Variants in EFNA5 observed in about 807,000 individuals in gnomAD.
The protein encoded by EFNA5 is ephrin-A5.
EFNA5 carries 5 observed loss-of-function variants against 22.9 expected under a neutral mutation model. That is an observed-to-expected ratio of 0.22 (90% CI 0.11 to 0.46). EFNA5 has a LOEUF of 0.46. EFNA5 is among the 20% of genes least tolerant of loss of function. EFNA5 has a pLI of 0.99. For missense variants in EFNA5, 237 were observed against 293.3 expected (o/e 0.81, Z 1.40); for synonymous variants, 113 against 112.2 (o/e 1.01, Z -0.04).
intron 1 of EFNA5, among the ~76,000 whole-genome samples, chr5:107,621,696 A>C (rs1447822882): frequency 6.6e-6 from 1 of 152,252 alleles, no homozygotes; most frequent in African/African-American, 2.4e-5. Context: ...TATGAGGATT[A>C]AATGAGCATT....
At chr5:107,384,039 C>G (rs551595275) in intron 4 of EFNA5, among the ~76,000 whole-genome samples, 105 of 152,278 alleles carry the variant, frequency 6.9e-4, no homozygotes, top group African/African-American at 2.4e-3. Flanking sequence ...CACAAAGCAT[C>G]CTTTGATTAA....
chr5:107,569,272 C>T (rs1346665143), intron 1 of EFNA5, among the ~76,000 whole-genome samples: 1 of 151,154 alleles, frequency 6.6e-6, no homozygotes, highest in Non-Finnish European at 1.5e-5. Context: ...TCTCCAAACA[C>T]TCATACATTG....
chr5:107,605,877 A>G (rs1749702103), intron 1 of EFNA5, among the ~76,000 whole-genome samples: 1 of 152,176 alleles, frequency 6.6e-6, no homozygotes, highest in African/African-American at 2.4e-5. Context: ...GGGGGAGGGC[A>G]AGTATTTCTA....
intron 1 of EFNA5, among the ~76,000 whole-genome samples, chr5:107,596,285 C>T (rs968815683): frequency 2.4e-4 from 36 of 152,148 alleles, no homozygotes; most frequent in African/African-American, 8.4e-4. Context: ...CAATAACTCC[C>T]CATTTTCCCC....
intron 1 of EFNA5, among the ~76,000 whole-genome samples, chr5:107,616,259 A>G (rs1200616817): frequency 2.0e-5 from 3 of 152,224 alleles, no homozygotes; most frequent in Non-Finnish European, 4.4e-5. Flanking sequence ...TAATGGGTAG[A>G]ATGATTCCAA....
At chr5:107,387,405 T>C (rs80320874) in intron 3 of EFNA5, 90 bp from the exon 4 acceptor site, 5 of 857,212 alleles carry the variant, frequency 5.8e-6, no homozygotes, top group South Asian at 3.6e-5. Flanking sequence ...CTCCTTTTTT[T>C]CTTTTTTTAT....
intron 1 of EFNA5, among the ~76,000 whole-genome samples, chr5:107,641,535 G>A (rs925471353): frequency 6.6e-6 from 1 of 152,208 alleles, no homozygotes; most frequent in East Asian, 1.9e-4. Context: ...ACTACCTACA[G>A]GGGAGAAAAA....
chr5:107,542,258 C>T (rs1374374199), intron 1 of EFNA5, among the ~76,000 whole-genome samples: 1 of 152,104 alleles, frequency 6.6e-6, no homozygotes, highest in East Asian at 1.9e-4. Flanking sequence ...ACAAGAGCCT[C>T]CTGCTTCCCA....
At chr5:107,427,544 T>A (rs1748840087) in intron 1 of EFNA5, 35 bp from the exon 2 acceptor site, 2 of 1,548,742 alleles carry the variant, frequency 1.3e-6, no homozygotes, top group Non-Finnish European at 1.7e-6. Context: ...TGATAATTCA[T>A]AGAGAAAGGG....
At chr5:107,470,519 T>C (rs764090324) in intron 1 of EFNA5, among the ~76,000 whole-genome samples, 1 of 152,206 alleles carries the variant, frequency 6.6e-6, no homozygotes, top group Non-Finnish European at 1.5e-5. Context: ...TGATTAAAAT[T>C]GGAGGACTAA....
In EFNA5 at chr5:107,615,054, T is replaced by C. The variant is rs371046046; in HGVS notation, c.125+55435A>G. 4.1e-4 allele frequency among the ~76,000 whole-genome samples: 63 copies of C among 152,232 alleles called. 2 individuals are homozygous for C. Among genetic ancestry groups the C allele is most frequent in the African/African-American group, 1.5e-3 (62 of 41,556 alleles). ...TAACTGCCAAAAGAAAATTAGGTTA[T>C]CTACTAGATTTTCATGCAAAAAGTA... On this transcript the variant is annotated intron_variant, in intron 1 of 4. Coordinates refer to ENST00000333274, the MANE Select transcript of EFNA5 (RefSeq NM_001962.3).
At chr5:107,533,564 T>A (rs1213321189) in intron 1 of EFNA5, among the ~76,000 whole-genome samples, 1 of 152,140 alleles carries the variant, frequency 6.6e-6, no homozygotes, top group African/African-American at 2.4e-5. Context: ...AAAGCCCAAA[T>A]CCCAACAAAA....
At chr5:107,670,431 C>A in intron 1 of EFNA5, 58 bp downstream of exon 1, 1 of 1,506,294 alleles carries the variant, frequency 6.6e-7, no homozygotes, top group Non-Finnish European at 8.9e-7. Flanking sequence ...CGCCGCCGCT[C>A]CTTCCGCAGG....
At chr5:107,445,797 C>G (rs772284568) in intron 1 of EFNA5, among the ~76,000 whole-genome samples, 1 of 152,238 alleles carries the variant, frequency 6.6e-6, no homozygotes, top group African/African-American at 2.4e-5. Context: ...AATTTCACCT[C>G]TAATCCTTCT....
At chr5:107,614,394 T>C (rs1749874525) in intron 1 of EFNA5, among the ~76,000 whole-genome samples, 2 of 152,308 alleles carry the variant, frequency 1.3e-5, no homozygotes, top group South Asian at 2.1e-4. Flanking sequence ...TGTCAAATCA[T>C]ATACAAAGTA....
At chr5:107,472,186 G>A (rs1489025938) in intron 1 of EFNA5, among the ~76,000 whole-genome samples, 1 of 151,994 alleles carries the variant, frequency 6.6e-6, no homozygotes, top group Non-Finnish European at 1.5e-5. Flanking sequence ...CAATGCTTGG[G>A]GGCTAATTTA....
intron 1 of EFNA5, among the ~76,000 whole-genome samples, chr5:107,615,944 A>G (rs534373186): frequency 6.6e-6 from 1 of 152,358 alleles, no homozygotes; most frequent in East Asian, 1.9e-4. Context: ...TAATATCCAA[A>G]ACAAGAAAGA....
intron 1 of EFNA5, among the ~76,000 whole-genome samples, chr5:107,430,817 A>G (rs1241366031): frequency 1.6e-5 from 2 of 122,930 alleles, no homozygotes; most frequent in African/African-American, 3.5e-5. Flanking sequence ...TCACTCTGTT[A>G]CCAGGCTGGA....
chr5:107,654,396 T>A (rs1206551977), intron 1 of EFNA5, among the ~76,000 whole-genome samples: 1 of 152,136 alleles, frequency 6.6e-6, no homozygotes, highest in Admixed American at 6.6e-5. Context: ...AAGTGACAGT[T>A]GGGAAATTTT....
Sources: gnomAD v4.1 joint callset for allele counts (sites outside exome capture counted in the v4.1 genomes callset) on GRCh38, gnomAD v4.1.1 for gene constraint, MANE v1.5 for transcripts, NCBI Gene and HGNC (gene_info 2026-07-23, HGNC 2026-07-21) for gene names.